CSGALNACT1: variants seen among roughly 807,000 people sequenced by gnomAD.
The protein encoded by CSGALNACT1 is chondroitin sulfate N-acetylgalactosaminyltransferase 1.
CSGALNACT1 carries 52 observed loss-of-function variants against 51.0 expected under a neutral mutation model. The observed-to-expected ratio is 1.02, with a 90% CI of 0.82 to 1.29. The LOEUF (loss-of-function observed/expected upper bound fraction) is 1.29. Ranked by LOEUF, CSGALNACT1 falls within the 50% of genes most tolerant of loss-of-function variation. CSGALNACT1 has a pLI of 0.00. For synonymous variants in CSGALNACT1, 341 were observed against 254.4 expected (o/e 1.34, Z -3.24); for missense variants, 935 against 679.2 (o/e 1.38, Z -4.19).
chr8:19,590,044 A>T (rs1282195627), intron 3 of CSGALNACT1, among the ~76,000 whole-genome samples: 1 of 152,176 alleles, frequency 6.6e-6, no homozygotes, highest in Non-Finnish European at 1.5e-5. Context: ...TGAAAGAAAG[A>T]ATTGTCACAT....
chr8:19,444,900 G>A (rs2061874327), intron 5 of CSGALNACT1, among the ~76,000 whole-genome samples: 1 of 152,144 alleles, frequency 6.6e-6, no homozygotes, highest in Non-Finnish European at 1.5e-5. Flanking sequence ...GAAAGGCAGA[G>A]GTAAGAAAGA....
chr8:19,498,561 C>A (rs150793910), intron 4 of CSGALNACT1, among the ~76,000 whole-genome samples: 2 of 151,542 alleles, frequency 1.3e-5, no homozygotes, highest in Non-Finnish European at 2.9e-5. Flanking sequence ...TGTGTACAAC[C>A]CAGCCAGAAC....
At chr8:19,443,881 G>A (rs1429399667) in intron 5 of CSGALNACT1, among the ~76,000 whole-genome samples, 1 of 152,164 alleles carries the variant, frequency 6.6e-6, no homozygotes, top group African/African-American at 2.4e-5. Flanking sequence ...TCCACACTGG[G>A]GGTGGGGGTG....
intron 1 of CSGALNACT1, among the ~76,000 whole-genome samples, chr8:19,711,147 G>T (rs1011478286): frequency 6.6e-6 from 1 of 151,998 alleles, no homozygotes; most frequent in Admixed American, 6.6e-5. Context: ...TGTCTTTAAA[G>T]GATAATTCAT....
At chr8:19,447,278 A>G (rs1334421455) in intron 5 of CSGALNACT1, among the ~76,000 whole-genome samples, 2 of 152,226 alleles carry the variant, frequency 1.3e-5, no homozygotes, top group Non-Finnish European at 2.9e-5. Context: ...CTCACTGTCT[A>G]GGACCCCACT....
At chr8:19,405,460 C>G (rs28679276) in exon 10 of CSGALNACT1, 6 of 518,616 alleles carry the variant, frequency 1.2e-5, no homozygotes, top group Non-Finnish European at 2.2e-5. Context: ...ATGAATATTT[C>G]AATGAGCACA....
intron 3 of CSGALNACT1, among the ~76,000 whole-genome samples, chr8:19,512,274 G>A (rs528057725): frequency 6.1e-4 from 93 of 152,228 alleles, no homozygotes; most frequent in African/African-American, 2.0e-3. Flanking sequence ...CAGGCCTGCC[G>A]GCAACCCCCT....
chr8:19,737,102 G>A (rs1020363975), intron 1 of CSGALNACT1, among the ~76,000 whole-genome samples: 2 of 152,106 alleles, frequency 1.3e-5, no homozygotes, highest in African/African-American at 4.8e-5. Flanking sequence ...TTTAAGTACT[G>A]AAAGTTAATA....
Position 19,498,680 on chromosome 8 carries a change from T to C in CSGALNACT1, c.634+6521A>G, listed in dbSNP as rs1338512115. On this transcript the variant is annotated intron_variant, in intron 4 of 9. Coordinates refer to ENST00000454498, the Ensembl canonical transcript of CSGALNACT1. ...GTGTACAACGCAGCCAGAACCCCTC[T>C]TTCCCCTGAGCCTTTCCTGCCCACT... Among the ~76,000 whole-genome samples the C allele has an allele frequency of 2.0e-5, 3 of 152,314 alleles. No homozygotes were observed. The South Asian group carries it at 6.2e-4, about 32-fold the overall frequency.
chr8:19,510,137 G>A (rs1563815320), intron 3 of CSGALNACT1, among the ~76,000 whole-genome samples: 1 of 151,950 alleles, frequency 6.6e-6, no homozygotes, highest in Non-Finnish European at 1.5e-5. Flanking sequence ...TAATTGTTTT[G>A]CCTAATACTT....
intron 3 of CSGALNACT1, among the ~76,000 whole-genome samples, chr8:19,574,802 C>A (rs915712844): frequency 6.6e-6 from 1 of 152,046 alleles, no homozygotes; most frequent in Non-Finnish European, 1.5e-5. Context: ...GAGGCTGAAA[C>A]GGGCAGATCA....
In CSGALNACT1 at chr8:19,543,885, C is replaced by T. The variant is rs377755563; in HGVS notation, c.-296-37755G>A. 5.8e-4 allele frequency among the ~76,000 whole-genome samples: 89 copies of T among 152,246 alleles called. 1 individual carries two copies. Among genetic ancestry groups the T allele is most frequent in the Middle Eastern group, 3.4e-3 (1 of 294 alleles). On this transcript the variant is annotated intron_variant, in intron 3 of 9. Coordinates refer to ENST00000454498, the Ensembl canonical transcript of CSGALNACT1. ...CTGAAACAAGTCCAAAAACAAAATA[C>T]GACCTTTTACCAGTCGATCATTAAC... is the stretch of plus-strand genomic sequence containing the variant.
rs192023208 is a variant in CSGALNACT1 at position 19,661,527 on chromosome 8, G to A, written c.-544+20946C>T. Among the ~76,000 whole-genome samples, 308 of 152,310 alleles carry A rather than the reference G, an allele frequency of 2.0e-3. 1 individual carries two copies. Among genetic ancestry groups the A allele is most frequent in the Non-Finnish European group, 3.5e-3 (240 of 68,016 alleles). On this transcript the variant is annotated intron_variant, in intron 1 of 9. Transcript: ENST00000332246. ...GTATTCTGGCCCATAGCTGCTCCAG[G>A]ACCTTTCAAATGTTCTGTAATACAG...
chr8:19,633,982 T>C (rs2055661741), intron 1 of CSGALNACT1, among the ~76,000 whole-genome samples: 1 of 152,148 alleles, frequency 6.6e-6, no homozygotes, highest in Non-Finnish European at 1.5e-5. Context: ...TACTTTCACT[T>C]AACAGTAACA....
upstream of CSGALNACT1, among the ~76,000 whole-genome samples, chr8:19,604,103 C>T (rs892751045): frequency 1.3e-5 from 2 of 152,126 alleles, no homozygotes; most frequent in Non-Finnish European, 2.9e-5. Flanking sequence ...CTTAGCCGTT[C>T]CAAGCATCAT....
upstream of CSGALNACT1, among the ~76,000 whole-genome samples, chr8:19,605,072 T>C (rs1202522809): frequency 6.6e-6 from 1 of 152,014 alleles, no homozygotes; most frequent in Admixed American, 6.6e-5. Flanking sequence ...TAAGAAACCA[T>C]AATGACAAAA....
chr8:19,540,808 T>C (rs894253289), intron 3 of CSGALNACT1, among the ~76,000 whole-genome samples: 17 of 152,284 alleles, frequency 1.1e-4, no homozygotes, highest in African/African-American at 4.1e-4. Context: ...GGATCATCTT[T>C]CTCCCTTTGC....
chr8:19,540,602 G>C (rs1419396269), intron 3 of CSGALNACT1, among the ~76,000 whole-genome samples: 1 of 152,188 alleles, frequency 6.6e-6, no homozygotes, highest in East Asian at 1.9e-4. Context: ...GTCTTAATGT[G>C]GTGGGCCAGG....
At chr8:19,489,234 C>T (rs2073818275) in intron 4 of CSGALNACT1, among the ~76,000 whole-genome samples, 2 of 152,240 alleles carry the variant, frequency 1.3e-5, no homozygotes, top group Middle Eastern at 3.4e-3. Flanking sequence ...ATAAATTGCC[C>T]TTCTATTTTA....
Sources: allele counts gnomAD v4.1 joint callset (sites outside exome capture counted in the v4.1 genomes callset), GRCh38; gene constraint gnomAD v4.1.1; transcripts MANE v1.5; gene names NCBI Gene and HGNC (gene_info 2026-07-23, HGNC 2026-07-21).